STXBP5L: variants seen among roughly 807,000 people sequenced by gnomAD.
STXBP5L encodes syntaxin binding protein 5L.
A neutral mutation model predicts 144.5 loss-of-function variants in STXBP5L; 65 were observed. The ratio of observed to expected loss-of-function variants is 0.45; its 90% CI spans 0.37 to 0.55. STXBP5L has a LOEUF of 0.55. Among genes scored for constraint, STXBP5L ranks in the 20% least tolerant of loss-of-function variants. The pLI is 0.00. For missense variants in STXBP5L, 1,298 were observed against 1,405.5 expected (o/e 0.92, Z 1.22); for synonymous variants, 505 against 469.6 (o/e 1.08, Z -0.97).
chr3:121,350,215 T>G (rs2045216376), intron 20 of STXBP5L, among the ~76,000 whole-genome samples: 1 of 152,170 alleles, frequency 6.6e-6, no homozygotes, highest in Non-Finnish European at 1.5e-5. Context: ...CCTTCACTTA[T>G]GAAGCTTAGT....
intron 9 of STXBP5L, among the ~76,000 whole-genome samples, chr3:121,177,840 C>A (rs2046994043): frequency 6.6e-6 from 1 of 152,132 alleles, no homozygotes; most frequent in Non-Finnish European, 1.5e-5. Context: ...TTCATTGACA[C>A]GTTATTCATA....
At chr3:120,925,378 T>G (rs1221984726) in intron 2 of STXBP5L, among the ~76,000 whole-genome samples, 1 of 152,230 alleles carries the variant, frequency 6.6e-6, no homozygotes, top group African/African-American at 2.4e-5. Context: ...CATTATATCC[T>G]CTTGCTGAAT....
At chr3:121,384,220 G>A (rs1416314878) in intron 22 of STXBP5L, among the ~76,000 whole-genome samples, 2 of 152,014 alleles carry the variant, frequency 1.3e-5, no homozygotes, top group African/African-American at 4.8e-5. Context: ...TTACAATAAA[G>A]AAAGTATAAT....
At chr3:121,235,455 C>A (rs2049445824) in intron 12 of STXBP5L, among the ~76,000 whole-genome samples, 2 of 151,952 alleles carry the variant, frequency 1.3e-5, no homozygotes, top group African/African-American at 4.8e-5. Flanking sequence ...TTTTTAATAT[C>A]TTTTTGCCTA....
intron 2 of STXBP5L, among the ~76,000 whole-genome samples, chr3:120,936,277 C>T (rs1173612672): frequency 2.0e-5 from 3 of 152,076 alleles, no homozygotes; most frequent in African/African-American, 4.8e-5. Context: ...TTTTATAAAG[C>T]CCATAGCTTA....
chr3:121,218,166 A>G (rs1034278987), intron 10 of STXBP5L, among the ~76,000 whole-genome samples: 1 of 133,826 alleles, frequency 7.5e-6, no homozygotes, highest in African/African-American at 2.8e-5. Context: ...GTAATAATAT[A>G]CTATACTATA....
chr3:121,253,534 C>G (rs2050095951), intron 15 of STXBP5L, among the ~76,000 whole-genome samples: 1 of 150,154 alleles, frequency 6.7e-6, no homozygotes. Flanking sequence ...AACACTGACA[C>G]AACACTATTA....
chr3:121,052,881 A>G, intron 5 of STXBP5L, among the ~76,000 whole-genome samples: 1 of 152,216 alleles, frequency 6.6e-6, no homozygotes, highest in East Asian at 1.9e-4. Context: ...TTAAGCTGAT[A>G]AGCAACTTCA....
intron 3 of STXBP5L, among the ~76,000 whole-genome samples, chr3:121,025,264 A>G (rs1303934744): frequency 6.6e-6 from 1 of 152,110 alleles, no homozygotes; most frequent in African/African-American, 2.4e-5. Flanking sequence ...GACCTAGTGA[A>G]AAGGAGTTTT....
chr3:120,948,519 A>C (rs1710996369), intron 2 of STXBP5L, among the ~76,000 whole-genome samples: 1 of 151,796 alleles, frequency 6.6e-6, no homozygotes, highest in Admixed American at 6.6e-5. Flanking sequence ...AGCAGTGTAC[A>C]CTGTACCCAA....
intron 10 of STXBP5L, among the ~76,000 whole-genome samples, chr3:121,210,645 A>T (rs1458866656): frequency 6.6e-6 from 1 of 152,240 alleles, no homozygotes; most frequent in Admixed American, 6.5e-5. Flanking sequence ...AGGTTTCTAC[A>T]TATGGCTAGC....
At chr3:121,293,059 AAAC>A (rs1306327280) in intron 19 of STXBP5L, among the ~76,000 whole-genome samples, 1 of 152,210 alleles carries the variant, frequency 6.6e-6, no homozygotes, top group Non-Finnish European at 1.5e-5. Context: ...TTAAACACTA[AAAC>A]AACTCAAATT....
At chr3:121,049,657 C>G (rs1041158317) in intron 5 of STXBP5L, 3 of 154,152 alleles carry the variant, frequency 1.9e-5, no homozygotes, top group African/African-American at 7.2e-5. Context: ...GGGTCTTATC[C>G]TGCAAGGTGC....
chr3:120,994,016 C>T (rs1233636526), intron 3 of STXBP5L, among the ~76,000 whole-genome samples: 5 of 151,892 alleles, frequency 3.3e-5, no homozygotes, highest in Admixed American at 1.3e-4. Flanking sequence ...CTTTCAACTC[C>T]TTTGTTAAAT....
chr3:121,016,681 A>C (rs75461730), intron 3 of STXBP5L, among the ~76,000 whole-genome samples: 1,828 of 152,314 alleles, frequency 0.012, 36 homozygotes, highest in African/African-American at 0.041. Flanking sequence ...AGAGTGAGCA[A>C]AACAGAAGAA....
chr3:121,095,155 C>G (rs929448243), intron 5 of STXBP5L, among the ~76,000 whole-genome samples: 2 of 152,178 alleles, frequency 1.3e-5, no homozygotes, highest in Non-Finnish European at 2.9e-5. Flanking sequence ...CCGAGAGATC[C>G]GCTGTTAGTC....
intron 9 of STXBP5L, among the ~76,000 whole-genome samples, chr3:121,191,620 A>T (rs2047688320): frequency 6.6e-6 from 1 of 151,960 alleles, no homozygotes; most frequent in South Asian, 2.1e-4. Context: ...CTTGATGGGG[A>T]TGGCATTGAT....
At chr3:121,046,350 G>C (rs1947516050) in intron 5 of STXBP5L, among the ~76,000 whole-genome samples, 1 of 151,744 alleles carries the variant, frequency 6.6e-6, no homozygotes, top group South Asian at 2.1e-4. Flanking sequence ...CCAGGTTTTG[G>C]TATCAGGATG....
chr3:121,415,474 T>C (rs1470525866), intron 24 of STXBP5L, among the ~76,000 whole-genome samples: 2 of 152,110 alleles, frequency 1.3e-5, no homozygotes, highest in Non-Finnish European at 2.9e-5. Flanking sequence ...TCCTATTTCA[T>C]AGGGCAGTCT....
Sources: allele counts gnomAD v4.1 joint callset (sites outside exome capture counted in the v4.1 genomes callset), GRCh38; gene constraint gnomAD v4.1.1; transcripts MANE v1.5; gene names NCBI Gene and HGNC (gene_info 2026-07-23, HGNC 2026-07-21).